The following FRMD5 variants were observed in gnomAD, a reference collection of about 807,000 sequenced individuals.
FRMD5 encodes FERM domain containing 5, also known as FERM domain-containing protein 5.
A neutral mutation model predicts 69.0 loss-of-function variants in FRMD5; 20 were observed. That is an observed-to-expected ratio of 0.29 (90% CI 0.20 to 0.42). FRMD5 has a LOEUF of 0.42. Among genes scored for constraint, FRMD5 ranks in the 10% least tolerant of loss-of-function variants. The pLI is 1.00. For synonymous variants in FRMD5, 271 were observed against 260.1 expected, an observed-to-expected ratio of 1.04 and a Z score of -0.40; for missense variants, 595 against 708.6, an observed-to-expected ratio of 0.84 and a Z score of 1.82.
At chr15:44,089,398 C>T (rs535962577) in intron 1 of FRMD5, among the ~76,000 whole-genome samples, 2 of 152,126 alleles carry the variant, frequency 1.3e-5, no homozygotes, top group Admixed American at 1.3e-4. Flanking sequence ...GGCATGTCTG[C>T]TTGTCCTTTA....
chr15:44,129,770 T>C (rs2077073002), intron 1 of FRMD5, among the ~76,000 whole-genome samples: 1 of 152,066 alleles, frequency 6.6e-6, no homozygotes, highest in African/African-American at 2.4e-5. Flanking sequence ...AGCCTTTTCC[T>C]CTCCAATTTT....
chr15:43,983,962 A>G (rs899680502), intron 1 of FRMD5, among the ~76,000 whole-genome samples: 6 of 152,228 alleles, frequency 3.9e-5, no homozygotes, highest in Admixed American at 6.5e-5. Flanking sequence ...AGTCTTTAAA[A>G]TGGCTACAAG....
intron 1 of FRMD5, among the ~76,000 whole-genome samples, chr15:44,015,106 G>A (rs1890897640): frequency 6.6e-6 from 1 of 151,046 alleles, no homozygotes; most frequent in South Asian, 2.1e-4. Flanking sequence ...TTTTTAAATG[G>A]TACCATGAGA....
intron 1 of FRMD5, among the ~76,000 whole-genome samples, chr15:44,005,177 T>C (rs918533655): frequency 1.3e-5 from 2 of 152,178 alleles, no homozygotes; most frequent in African/African-American, 4.8e-5. Context: ...TCCACTCTCA[T>C]ACTGCTATAA....
At chr15:43,989,601 AG>A in intron 1 of FRMD5, 1 of 852,388 alleles carries the variant, frequency 1.2e-6, no homozygotes, top group South Asian at 1.3e-5. Context: ...TAGCTGTGCT[AG>A]GTGAGGACCT....
chr15:44,082,477 A>T (rs1894037505), intron 1 of FRMD5, among the ~76,000 whole-genome samples: 1 of 152,018 alleles, frequency 6.6e-6, no homozygotes, highest in African/African-American at 2.4e-5. Flanking sequence ...TTGACAGCCA[A>T]ATATGCTGTT....
At position 43,873,282 on chromosome 15, in the gene FRMD5, C is replaced by T; in HGVS notation, c.*603G>A. On this transcript the variant is annotated 3_prime_UTR_variant, in exon 14 of 14. Coordinates refer to ENST00000417257, the MANE Select transcript of FRMD5 (RefSeq NM_032892.5). ...ATCCAACTCAGACCATCATAAGAAG[C>T]AACTTTCCATTTAATCATTCTACAT... is the stretch of plus-strand genomic sequence containing the variant. 1 of 1,536,892 alleles carries T rather than the reference C, an allele frequency of 6.5e-7. No individual in the cohort carries two copies. The highest frequency in any genetic ancestry group is 8.7e-7 in the Non-Finnish European group (1 of 1,143,430).
chr15:43,900,276 TA>T (rs1001201611), intron 7 of FRMD5, among the ~76,000 whole-genome samples: 33 of 152,328 alleles, frequency 2.2e-4, no homozygotes, highest in African/African-American at 7.2e-4. Context: ...GGTGCCCTGC[TA>T]ACAGTATTGG....
At chr15:44,136,376 T>A (rs2077185995) in intron 1 of FRMD5, among the ~76,000 whole-genome samples, 1 of 152,186 alleles carries the variant, frequency 6.6e-6, no homozygotes, top group African/African-American at 2.4e-5. Flanking sequence ...AAAAATGGAA[T>A]GTCAGAAATC....
intron 1 of FRMD5, among the ~76,000 whole-genome samples, chr15:44,058,590 T>A (rs1407921709): frequency 1.3e-5 from 2 of 151,964 alleles, no homozygotes; most frequent in Non-Finnish European, 2.9e-5. Flanking sequence ...ATCGAGACCA[T>A]CCTGGCTAAC....
chr15:43,915,882 G>A (rs1334574957), intron 4 of FRMD5, among the ~76,000 whole-genome samples: 1 of 152,196 alleles, frequency 6.6e-6, no homozygotes, highest in Non-Finnish European at 1.5e-5. Context: ...GTGGGATGGA[G>A]GGCTCTAAGC....
chr15:44,198,762 T>C (rs1250551927), upstream of FRMD5, among the ~76,000 whole-genome samples: 1 of 152,190 alleles, frequency 6.6e-6, no homozygotes, highest in Non-Finnish European at 1.5e-5. Flanking sequence ...CTCAAATCTA[T>C]TAACTAGGAT....
chr15:44,146,796 T>G (rs2077363756), intron 1 of FRMD5, among the ~76,000 whole-genome samples: 1 of 152,198 alleles, frequency 6.6e-6, no homozygotes, highest in Non-Finnish European at 1.5e-5. Flanking sequence ...AACGTCTTCT[T>G]TTAAGAAGTA....
intron 1 of FRMD5, among the ~76,000 whole-genome samples, chr15:44,125,207 C>T (rs558049730): frequency 9.2e-5 from 14 of 152,042 alleles, no homozygotes; most frequent in African/African-American, 2.4e-4. Flanking sequence ...GACACTGAGG[C>T]GGGAAGATTG....
intron 1 of FRMD5, among the ~76,000 whole-genome samples, chr15:43,928,854 G>A (rs1275304106): frequency 6.6e-6 from 1 of 152,224 alleles, no homozygotes; most frequent in Non-Finnish European, 1.5e-5. Flanking sequence ...AGAGCTCCAA[G>A]CCTGAGGACA....
At chr15:43,883,861 T>C in intron 12 of FRMD5, 52 bp from the exon 13 acceptor site, 1 of 1,361,480 alleles carries the variant, frequency 7.3e-7, no homozygotes, top group Non-Finnish European at 1.1e-6. Context: ...ACACATTTGG[T>C]AGGCACTTAA....
chr15:43,974,813 T>C (rs1228014672), intron 1 of FRMD5, among the ~76,000 whole-genome samples: 3 of 152,212 alleles, frequency 2.0e-5, no homozygotes, highest in Admixed American at 2.0e-4. Context: ...TCCTTTTTAA[T>C]AAAAATGAAA....
chr15:44,150,378 G>T (rs141302510), intron 1 of FRMD5, among the ~76,000 whole-genome samples: 173 of 149,330 alleles, frequency 1.2e-3, no homozygotes, highest in African/African-American at 4.0e-3. Flanking sequence ...GTTTACTGAC[G>T]ATATATAATG....
rs572819869 is a variant in FRMD5 at position 44,078,146 on chromosome 15, A to C, written c.102+116807T>G. Among the ~76,000 whole-genome samples the C allele has an allele frequency of 1.3e-4, 20 of 152,262 alleles. No individual in the cohort carries two copies. In the East Asian group the frequency reaches 2.9e-3, roughly 22 times the overall value. On this transcript the variant is annotated intron_variant, in intron 1 of 13. Coordinates refer to ENST00000417257, the MANE Select transcript of FRMD5 (RefSeq NM_032892.5). The stretch of plus-strand genomic sequence containing the variant: ...TGAATGCTTTCCAATCAAACTTTTA[A>C]AAAATTCAAAAGGCATGATAACTGT...
Sources: gnomAD v4.1 joint callset for allele counts (sites outside exome capture counted in the v4.1 genomes callset) on GRCh38, gnomAD v4.1.1 for gene constraint, MANE v1.5 for transcripts, NCBI Gene and HGNC (gene_info 2026-07-23, HGNC 2026-07-21) for gene names.